The following SH3D19 variants were observed in gnomAD, a reference collection of about 807,000 sequenced individuals.
The protein encoded by SH3D19 is SH3 domain containing 19.
A neutral mutation model predicts 112.1 loss-of-function variants in SH3D19; 58 were observed. The observed-to-expected ratio is 0.52, with a 90% CI of 0.42 to 0.64. The LOEUF (loss-of-function observed/expected upper bound fraction) is 0.64. SH3D19 is among the 30% of genes least tolerant of loss of function. The pLI is 0.00. For missense variants in SH3D19, 1,090 were observed against 1,263.4 expected, an observed-to-expected ratio of 0.86 and a Z score of 2.08; for synonymous variants, 391 against 448.5, an observed-to-expected ratio of 0.87 and a Z score of 1.62.
At chr4:151,250,894 G>A (rs1231297321) in intron 1 of SH3D19, among the ~76,000 whole-genome samples, 4 of 152,152 alleles carry the variant, frequency 2.6e-5, no homozygotes, top group African/African-American at 9.7e-5. Flanking sequence ...GTCGTTAGCT[G>A]AGGATCAGTC....
intron 1 of SH3D19, among the ~76,000 whole-genome samples, chr4:151,299,410 G>A (rs1273843645): frequency 3.3e-5 from 5 of 151,362 alleles, no homozygotes; most frequent in Admixed American, 1.3e-4. Flanking sequence ...GAGAAACCCC[G>A]TCTCCACTAA....
chr4:151,276,907 C>T (rs952938141), intron 1 of SH3D19, among the ~76,000 whole-genome samples: 9 of 152,160 alleles, frequency 5.9e-5, no homozygotes, highest in Non-Finnish European at 1.2e-4. Flanking sequence ...CACTCCTCAA[C>T]ACCACAGGCA....
At chr4:151,189,431 G>A (rs1762295665) in intron 2 of SH3D19, among the ~76,000 whole-genome samples, 1 of 152,124 alleles carries the variant, frequency 6.6e-6, no homozygotes, top group Non-Finnish European at 1.5e-5. Flanking sequence ...GTTGTTTTAA[G>A]TCACTCAGTG....
chr4:151,324,997 G>A (rs746538748), intron 1 of SH3D19, among the ~76,000 whole-genome samples: 2 of 152,158 alleles, frequency 1.3e-5, no homozygotes, highest in Non-Finnish European at 2.9e-5. Flanking sequence ...TAGTGTGCAC[G>A]GAAAATTTGA....
intron 1 of SH3D19, among the ~76,000 whole-genome samples, chr4:151,246,695 A>T (rs567041125): frequency 6.6e-6 from 1 of 152,252 alleles, no homozygotes; most frequent in South Asian, 2.1e-4. Context: ...TAACTGCTTA[A>T]CTCACTTGAC....
intron 1 of SH3D19, among the ~76,000 whole-genome samples, chr4:151,232,068 C>T (rs747265156): frequency 6.6e-6 from 1 of 152,158 alleles, no homozygotes; most frequent in Non-Finnish European, 1.5e-5. Flanking sequence ...CCTGTAATCC[C>T]AGCTGCTCAG....
At chr4:151,125,467 GAAACAAAACA>G (rs140748469) in intron 19 of SH3D19, among the ~76,000 whole-genome samples, 1 of 106,880 alleles carries the variant, frequency 9.4e-6, no homozygotes, top group African/African-American at 4.3e-5. Context: ...CCCTGTCTCA[GAAACAAAACA>G]AAACAAAACA....
At chr4:151,300,137 G>T (rs1429898601) in intron 1 of SH3D19, among the ~76,000 whole-genome samples, 1 of 151,962 alleles carries the variant, frequency 6.6e-6, no homozygotes, top group Non-Finnish European at 1.5e-5. Flanking sequence ...GGAGGCGGAG[G>T]TTGCAGTGAG....
intron 1 of SH3D19, among the ~76,000 whole-genome samples, chr4:151,280,159 T>C (rs975531726): frequency 2.9e-5 from 2 of 68,168 alleles, no homozygotes; most frequent in African/African-American, 6.9e-5. Context: ...AGGCACTATA[T>C]TAAAGACTTT....
At chr4:151,128,800 C>T (rs945259196) in intron 17 of SH3D19, among the ~76,000 whole-genome samples, 2 of 152,002 alleles carry the variant, frequency 1.3e-5, no homozygotes, top group African/African-American at 2.4e-5. Flanking sequence ...CCACCACACT[C>T]GGCTATTTAA....
chr4:151,262,704 C>G (rs1772474035), intron 1 of SH3D19: 1 of 150,744 alleles, frequency 6.6e-6, no homozygotes, highest in African/African-American at 2.5e-5. Flanking sequence ...CTCTCTCTCT[C>G]TCTCTCTGGG....
chr4:151,282,705 G>A lies in SH3D19; in HGVS notation c.112+42536C>T, dbSNP rs181919490. ...GGTTAATAAGACTGATTTAAAGTTTGGAGAGCGTCTAGTGTTTTTTAACTG... is the reference window on the plus strand; with the variant it reads ...GGTTAATAAGACTGATTTAAAGTTTAGAGAGCGTCTAGTGTTTTTTAACTG... On this transcript the variant is annotated intron_variant, in intron 1 of 19. Transcript: ENST00000604030. Among the ~76,000 whole-genome samples, 645 of 152,256 alleles carry A rather than the reference G, an allele frequency of 4.2e-3. 2 individuals are homozygous for A. The highest frequency in any genetic ancestry group is 6.5e-3 in the Non-Finnish European group (439 of 68,022).
intron 2 of SH3D19, among the ~76,000 whole-genome samples, chr4:151,189,526 G>A (rs1201419531): frequency 2.0e-5 from 3 of 152,146 alleles, no homozygotes; most frequent in African/African-American, 7.2e-5. Flanking sequence ...CCTGGTTGGA[G>A]GTGATTGAAT....
chr4:151,140,072 C>A, intron 12 of SH3D19: 1 of 463,086 alleles, frequency 2.2e-6, no homozygotes, highest in Non-Finnish European at 3.8e-6. Context: ...TAAAATATCC[C>A]CCAGTATGTT....
At chr4:151,237,985 T>A (rs2149964386) in intron 1 of SH3D19, among the ~76,000 whole-genome samples, 1 of 152,318 alleles carries the variant, frequency 6.6e-6, no homozygotes, top group East Asian at 1.9e-4. Flanking sequence ...AATTAATAAA[T>A]CTGATTTTCA....
At chr4:151,297,624 A>C (rs1301549819) in intron 1 of SH3D19, among the ~76,000 whole-genome samples, 1 of 152,232 alleles carries the variant, frequency 6.6e-6, no homozygotes, top group Non-Finnish European at 1.5e-5. Context: ...AGAGAAATCA[A>C]GAATGACCAT....
intron 1 of SH3D19, among the ~76,000 whole-genome samples, chr4:151,245,394 A>G (rs1438152739): frequency 6.6e-6 from 1 of 151,358 alleles, no homozygotes; most frequent in Admixed American, 6.6e-5. Flanking sequence ...AGGAAAAGGG[A>G]CTCCTCCCTT....
At chr4:151,168,651 T>C (rs1357810653) in intron 7 of SH3D19, among the ~76,000 whole-genome samples, 2 of 152,146 alleles carry the variant, frequency 1.3e-5, no homozygotes, top group Non-Finnish European at 2.9e-5. Context: ...CAGGCTGGTC[T>C]TGACCTCTTG....
At chr4:151,134,443 C>A (rs942134106) in intron 15 of SH3D19, among the ~76,000 whole-genome samples, 3 of 152,222 alleles carry the variant, frequency 2.0e-5, no homozygotes, top group Admixed American at 2.0e-4. Flanking sequence ...ACTCTTCCTT[C>A]ACTTTCTTCT....
Sources: allele counts gnomAD v4.1 joint callset (sites outside exome capture counted in the v4.1 genomes callset), GRCh38; gene constraint gnomAD v4.1.1; transcripts MANE v1.5; gene names NCBI Gene and HGNC (gene_info 2026-07-23, HGNC 2026-07-21).